The following TENM3 variants were observed in gnomAD, a reference collection of about 807,000 sequenced individuals.
TENM3 encodes teneurin-3.
TENM3 carries 63 observed loss-of-function variants against 255.1 expected under a neutral mutation model. The observed-to-expected ratio is 0.25, with a 90% CI of 0.20 to 0.30. The LOEUF (loss-of-function observed/expected upper bound fraction) is 0.30. TENM3 is among the 10% of genes least tolerant of loss of function. The pLI, the probability that TENM3 is intolerant of heterozygous loss-of-function variation, is 1.00. For synonymous variants in TENM3, 1,306 were observed against 1,322.3 expected (o/e 0.99, Z 0.27); for missense variants, 2,929 against 3,461.1 (o/e 0.85, Z 3.86).
chr4:182,660,419 C>T (rs1210397647), intron 6 of TENM3, among the ~76,000 whole-genome samples: 1 of 152,198 alleles, frequency 6.6e-6, no homozygotes, highest in African/African-American at 2.4e-5. Context: ...ACCACTCTCA[C>T]CTCCTGTTTC....
chr4:182,215,370 C>T (rs1196854045), intron 1 of TENM3, among the ~76,000 whole-genome samples: 3 of 152,102 alleles, frequency 2.0e-5, no homozygotes, highest in Non-Finnish European at 4.4e-5. Flanking sequence ...ACTAAATTAC[C>T]ACTTCACTCG....
chr4:182,284,816 G>A (rs543042076), intron 1 of TENM3, among the ~76,000 whole-genome samples: 43 of 152,272 alleles, frequency 2.8e-4, no homozygotes, highest in African/African-American at 7.7e-4. Flanking sequence ...TGGTGGCGGC[G>A]ATAGAGGAGA....
chr4:182,228,893 T>TGC, intron 1 of TENM3, among the ~76,000 whole-genome samples: 1 of 152,192 alleles, frequency 6.6e-6, no homozygotes. Flanking sequence ...ACAAAGGTAC[T>TGC]GACATCTTTT....
the TENM3 span, among the ~76,000 whole-genome samples, chr4:181,489,397 T>TGC: frequency 7.9e-5 from 12 of 152,232 alleles, no homozygotes; most frequent in African/African-American, 1.9e-4. Context: ...TGTGTGTGTG[T>TGC]GCATGGGTGT....
the TENM3 span, among the ~76,000 whole-genome samples, chr4:181,713,374 T>G: frequency 1.3e-5 from 2 of 152,188 alleles, no homozygotes; most frequent in African/African-American, 4.8e-5. Flanking sequence ...AACAAAGATA[T>G]ATGATTTCTG....
At chr4:182,747,815 C>G (rs532898626) in intron 19 of TENM3, among the ~76,000 whole-genome samples, 1 of 152,104 alleles carries the variant, frequency 6.6e-6, no homozygotes, top group African/African-American at 2.4e-5. Context: ...ATTTAAAAAT[C>G]AAGCAGGCAT....
At chr4:182,147,757 A>T (rs1387835610) in intron 1 of TENM3, among the ~76,000 whole-genome samples, 1 of 152,196 alleles carries the variant, frequency 6.6e-6, no homozygotes, top group Non-Finnish European at 1.5e-5. Flanking sequence ...ATAACCAATT[A>T]CATATTCCTT....
chr4:181,640,978 A>C, the TENM3 span, among the ~76,000 whole-genome samples: 1 of 152,192 alleles, frequency 6.6e-6, no homozygotes, highest in East Asian at 1.9e-4. Flanking sequence ...CTATTTCTTC[A>C]AAAAAGACTA....
At chr4:182,784,162 G>C (rs1259527264) in intron 24 of TENM3, among the ~76,000 whole-genome samples, 1 of 152,148 alleles carries the variant, frequency 6.6e-6, no homozygotes, top group African/African-American at 2.4e-5. Context: ...TTTCTGTTCT[G>C]TTTTTTCCCC....
the TENM3 span, among the ~76,000 whole-genome samples, chr4:181,825,008 T>C: frequency 6.6e-6 from 1 of 152,236 alleles, no homozygotes; most frequent in Admixed American, 6.5e-5. Context: ...GCATTTTTAA[T>C]TCAGTTCTCA....
intron 1 of TENM3, among the ~76,000 whole-genome samples, chr4:182,258,948 G>A (rs558759859): frequency 6.6e-6 from 1 of 152,190 alleles, no homozygotes; most frequent in Non-Finnish European, 1.5e-5. Flanking sequence ...GCTATTTTTG[G>A]AGTGCTGTGC....
chr4:182,027,839 T>G, the TENM3 span, among the ~76,000 whole-genome samples: 1 of 152,140 alleles, frequency 6.6e-6, no homozygotes, highest in African/African-American at 2.4e-5. Context: ...TGAATAATCT[T>G]TTAAATTTAT....
chr4:181,773,948 C>T, the TENM3 span, among the ~76,000 whole-genome samples: 2 of 151,310 alleles, frequency 1.3e-5, no homozygotes, highest in East Asian at 2.0e-4. Flanking sequence ...CCCAAATCTG[C>T]CTCCACTTAG....
chr4:181,639,168 A>T, the TENM3 span, among the ~76,000 whole-genome samples: 1 of 152,180 alleles, frequency 6.6e-6, no homozygotes, highest in Non-Finnish European at 1.5e-5. Context: ...CAAGAGCAAA[A>T]AGCTATGGGA....
chr4:181,617,375 G>A, the TENM3 span, among the ~76,000 whole-genome samples: 1 of 152,190 alleles, frequency 6.6e-6, no homozygotes, highest in Admixed American at 6.6e-5. Flanking sequence ...TGATGTGATA[G>A]GGAATGATCA....
intron 1 of TENM3, among the ~76,000 whole-genome samples, chr4:182,304,120 TAA>T (rs565830665): frequency 7.0e-6 from 1 of 142,698 alleles, no homozygotes; most frequent in African/African-American, 2.6e-5. Flanking sequence ...GATTGGCAAG[TAA>T]AAAAAAAAAG....
At chr4:182,057,573 C>G in the TENM3 span, among the ~76,000 whole-genome samples, 3 of 151,588 alleles carry the variant, frequency 2.0e-5, no homozygotes, top group African/African-American at 7.3e-5. Context: ...CCATGCCCAG[C>G]TAATTTTTGT....
intron 3 of TENM3, among the ~76,000 whole-genome samples, chr4:182,398,594 T>G (rs1279853156): frequency 6.6e-6 from 1 of 152,154 alleles, no homozygotes; most frequent in Admixed American, 6.5e-5. Flanking sequence ...CGCATGCAGA[T>G]AGGAGTTGAA....
chr4:181,648,883 T>C, the TENM3 span, among the ~76,000 whole-genome samples: 17 of 152,310 alleles, frequency 1.1e-4, no homozygotes, highest in South Asian at 3.5e-3. Context: ...TGCATGAACA[T>C]GGACAAGCTG....
Sources: gnomAD v4.1 joint callset for allele counts (sites outside exome capture counted in the v4.1 genomes callset) on GRCh38, gnomAD v4.1.1 for gene constraint, MANE v1.5 for transcripts, NCBI Gene and HGNC (gene_info 2026-07-23, HGNC 2026-07-21) for gene names.